Variants in DDX19A observed in about 807,000 individuals in gnomAD.
DDX19A encodes ATP-dependent RNA helicase DDX19A.
DDX19A carries 12 observed loss-of-function variants against 60.6 expected under a neutral mutation model. That is an observed-to-expected ratio of 0.20 (90% confidence interval 0.13 to 0.32). The LOEUF (loss-of-function observed/expected upper bound fraction) is 0.32. DDX19A is among the 10% of genes least tolerant of loss of function. The probability of loss-of-function intolerance (pLI) is 1.00; values close to 1 mark genes in which losing one functional copy is unlikely to be tolerated. For missense variants in DDX19A, 337 were observed against 600.6 expected, an observed-to-expected ratio of 0.56 and a Z score of 4.59; for synonymous variants, 206 against 218.2, an observed-to-expected ratio of 0.94 and a Z score of 0.49.
chr16:70,372,195 T>G lies in DDX19A; in HGVS notation c.*209T>G, dbSNP rs1249851051. ...AGAAAAAATTTGCATTTTGGAAAATTGGGTCCTTTCCCCACTTTTTTAAAG... is the reference window on the plus strand; with the variant it reads ...AGAAAAAATTTGCATTTTGGAAAATGGGGTCCTTTCCCCACTTTTTTAAAG... On this transcript the variant is annotated 3_prime_UTR_variant, in exon 12 of 12. Coordinates refer to ENST00000302243, the MANE Select transcript of DDX19A (RefSeq NM_018332.5). The G allele has an allele frequency of 5.3e-6, 4 of 748,322 alleles. No homozygotes were observed. Among genetic ancestry groups the G allele is most frequent in the African/African-American group, 1.8e-5 (1 of 56,248 alleles). 46.4% of individuals were successfully genotyped at this position (748,322 alleles called of 1,614,324 possible). A position where few individuals can be genotyped will look rare whatever the true frequency, so the allele number is the denominator to read the frequency against.
chr16:70,369,726 C>G (rs1355574900), intron 9 of DDX19A, among the ~76,000 whole-genome samples: 1 of 150,724 alleles, frequency 6.6e-6, no homozygotes. Context: ...AAGCGATTCT[C>G]CTGCCTCAGC....
At chr16:70,366,353 G>C in intron 8 of DDX19A, 91 bp downstream of exon 8, 1 of 1,568,694 alleles carries the variant, frequency 6.4e-7, no homozygotes, top group Non-Finnish European at 8.7e-7. Context: ...CTTCTGCCTG[G>C]GTCTTGGCTC....
intron 10 of DDX19A, 125 bp downstream of exon 10, chr16:70,370,510 A>C: frequency 7.2e-7 from 1 of 1,388,238 alleles, no homozygotes; most frequent in Non-Finnish European, 9.6e-7. Context: ...TGGTGACACT[A>C]TTCCTTTCTA....
At chr16:70,347,532 T>C (rs562597360) in intron 1 of DDX19A, among the ~76,000 whole-genome samples, 4 of 152,344 alleles carry the variant, frequency 2.6e-5, no homozygotes, top group South Asian at 2.1e-4. Flanking sequence ...AATTGTTTCA[T>C]TGATGTGTAA....
At chr16:70,355,443 C>T in intron 2 of DDX19A, 42 bp from the exon 3 acceptor site, 6 of 1,429,786 alleles carry the variant, frequency 4.2e-6, no homozygotes, top group Non-Finnish European at 3.0e-6. Flanking sequence ...TGGTGGTTCT[C>T]ATATTTGCCT....
At chr16:70,366,305 G>A (rs774300984) in intron 8 of DDX19A, 43 bp downstream of exon 8, 5 of 1,612,708 alleles carry the variant, frequency 3.1e-6, no homozygotes, top group Non-Finnish European at 1.7e-6. Flanking sequence ...CTCCCCATCT[G>A]CAGTGTCTTC....
At chr16:70,371,188 T>C (rs1192442840) in intron 10 of DDX19A, 184 bp from the exon 11 acceptor site, 2 of 1,045,888 alleles carry the variant, frequency 1.9e-6, no homozygotes, top group East Asian at 5.2e-5. Flanking sequence ...TTGCCAAAGT[T>C]CTCTTCTTTT....
At position 70,347,061 on chromosome 16, in the gene DDX19A, G is replaced by T; in HGVS notation, c.57+13G>T. On this transcript the variant is annotated intron_variant, in intron 1 of 11. Coordinates refer to ENST00000302243, the MANE Select transcript of DDX19A (RefSeq NM_018332.5). ...GGCTGTCAAGTCGGTCAGTAGCTCA[G>T]CTCCTGGCGAGGAGGACGTAGCAGG... 1 of 1,609,568 alleles carries T rather than the reference G, an allele frequency of 6.2e-7. No individual in the cohort carries two copies.
chr16:70,352,634 A>ATTTTT (rs11294947), intron 2 of DDX19A, among the ~76,000 whole-genome samples: 1 of 86,168 alleles, frequency 1.2e-5, no homozygotes, highest in Non-Finnish European at 2.1e-5. Flanking sequence ...ATCTACCACG[A>ATTTTT]TTTTTTTTTT....
intron 2 of DDX19A, among the ~76,000 whole-genome samples, chr16:70,352,510 C>T (rs1338395181): frequency 6.6e-6 from 1 of 152,066 alleles, no homozygotes; most frequent in Non-Finnish European, 1.5e-5. Context: ...GTCTTGAACT[C>T]CTGACCTGAT....
rs188380269 is a variant in DDX19A, at chr16:70,347,227, T to C, written c.57+179T>C. Reference sequence around the variant, plus strand: ...CTAAAGAGACCAATGTCGAGCTTTTTATCTCCATCTGGGCTGGTTAAGGAC... The same window carrying C: ...CTAAAGAGACCAATGTCGAGCTTTTCATCTCCATCTGGGCTGGTTAAGGAC... On this transcript the variant is annotated intron_variant, in intron 1 of 11. Coordinates refer to ENST00000302243, the MANE Select transcript of DDX19A (RefSeq NM_018332.5). 1,425 of 627,824 alleles carry C rather than the reference T, an allele frequency of 2.3e-3. 5 individuals carry two copies. Among genetic ancestry groups the C allele is most frequent in the South Asian group, 6.4e-3 (339 of 52,904 alleles). 38.9% of individuals were successfully genotyped at this position (627,824 alleles called of 1,614,324 possible). A position where few individuals can be genotyped will look rare whatever the true frequency, so the allele number is the denominator to read the frequency against.
At chr16:70,357,635 C>T (rs776116768) in intron 4 of DDX19A, among the ~76,000 whole-genome samples, 5 of 151,820 alleles carry the variant, frequency 3.3e-5, no homozygotes, top group Admixed American at 6.6e-5. Flanking sequence ...CTGCCCGCCT[C>T]GGCCTCCCAA....
chr16:70,371,605 AGT>A, intron 11 of DDX19A, 42 bp downstream of exon 11: 1 of 1,043,234 alleles, frequency 9.6e-7, no homozygotes, highest in African/African-American at 1.6e-5. Flanking sequence ...CCCTTTGCTA[AGT>A]AGGGCGGGGT....
chr16:70,357,258 C>CA (rs1163431591), intron 4 of DDX19A, among the ~76,000 whole-genome samples: 747 of 64,884 alleles, frequency 0.012, 5 homozygotes, highest in East Asian at 0.014. Context: ...GACTCTCTCT[C>CA]AAAAAAAAAA....
At chr16:70,350,660 GC>G in intron 2 of DDX19A, 55 bp downstream of exon 2, 2 of 1,293,932 alleles carry the variant, frequency 1.5e-6, no homozygotes, top group Non-Finnish European at 2.2e-6. Flanking sequence ...CCGCTGCTTT[GC>G]ACTCATAGCT....
chr16:70,359,175 T>G (rs1964302113), intron 4 of DDX19A, among the ~76,000 whole-genome samples: 1 of 152,166 alleles, frequency 6.6e-6, no homozygotes, highest in Non-Finnish European at 1.5e-5. Flanking sequence ...CCTAAAATAT[T>G]TGAGTTAATC....
chr16:70,347,056 G>A lies in DDX19A; in HGVS notation c.57+8G>A. ...GAAGCGGCTGTCAAGTCGGTCAGTA[G>A]CTCAGCTCCTGGCGAGGAGGACGTA... On this transcript the variant is annotated splice_region_variant and intron_variant, in intron 1 of 11. Coordinates refer to ENST00000302243, the MANE Select transcript of DDX19A (RefSeq NM_018332.5). 2 of 1,610,698 alleles carry A rather than the reference G, an allele frequency of 1.2e-6. No individual in the cohort carries two copies. Among genetic ancestry groups the A allele is most frequent in the Non-Finnish European group, 1.7e-6 (2 of 1,179,266 alleles).
chr16:70,355,669 G>T, intron 3 of DDX19A, 134 bp downstream of exon 3: 1 of 746,036 alleles, frequency 1.3e-6, no homozygotes, highest in Admixed American at 2.4e-5. Context: ...GAGAGGAGGA[G>T]AACAAAACAA....
intron 4 of DDX19A, among the ~76,000 whole-genome samples, chr16:70,357,366 G>GTTTGTTTTTTTT (rs1964237044): frequency 2.2e-5 from 1 of 44,580 alleles, no homozygotes; most frequent in East Asian, 7.3e-4. Flanking sequence ...TTTTTGGTTT[G>GTTTGTTTTTTTT]TTTTTTTTTT....
Sources: gnomAD v4.1 joint callset for allele counts (sites outside exome capture counted in the v4.1 genomes callset) on GRCh38, gnomAD v4.1.1 for gene constraint, MANE v1.5 for transcripts, NCBI Gene and HGNC (gene_info 2026-07-23, HGNC 2026-07-21) for gene names.